Variants in CDKAL1 observed in about 807,000 individuals in gnomAD.
CDKAL1 encodes the protein CDKAL1 threonylcarbamoyladenosine tRNA methylthiotransferase, also known as threonylcarbamoyladenosine tRNA methylthiotransferase.
A neutral mutation model predicts 68.2 loss-of-function variants in CDKAL1; 32 were observed. That is an observed-to-expected ratio of 0.47 (90% CI 0.35 to 0.63). CDKAL1 has a LOEUF of 0.63. Ranked by LOEUF, CDKAL1 falls within the 30% of genes least tolerant of loss-of-function variation. The pLI, the probability that CDKAL1 is intolerant of heterozygous loss-of-function variation, is 0.00. For synonymous variants in CDKAL1, 234 were observed against 244.3 expected (o/e 0.96, Z 0.39); for missense variants, 606 against 696.7 (o/e 0.87, Z 1.47).
chr6:20,584,292 G>A (rs977251770), intron 4 of CDKAL1, among the ~76,000 whole-genome samples: 1 of 152,124 alleles, frequency 6.6e-6, no homozygotes, highest in African/African-American at 2.4e-5. Flanking sequence ...ACAGTGGATA[G>A]GGTACTCTAC....
chr6:20,947,745 GC>G (rs1764320360), intron 9 of CDKAL1, among the ~76,000 whole-genome samples: 1 of 152,102 alleles, frequency 6.6e-6, no homozygotes, highest in Non-Finnish European at 1.5e-5. Flanking sequence ...CTAATACAAA[GC>G]CTATTTTATA....
intron 11 of CDKAL1, among the ~76,000 whole-genome samples, chr6:21,048,244 A>G (rs775911639): frequency 9.2e-5 from 14 of 152,192 alleles, no homozygotes; most frequent in Non-Finnish European, 1.3e-4. Flanking sequence ...CTGTGTTCCA[A>G]TAAAACTTTA....
intron 9 of CDKAL1, among the ~76,000 whole-genome samples, chr6:20,926,676 C>T (rs902796101): frequency 1.3e-5 from 2 of 151,960 alleles, no homozygotes; most frequent in African/African-American, 2.4e-5. Context: ...TCATTCGATA[C>T]GTATGCATTG....
chr6:20,653,434 T>C (rs1768864136), intron 5 of CDKAL1, among the ~76,000 whole-genome samples: 1 of 152,134 alleles, frequency 6.6e-6, no homozygotes, highest in Non-Finnish European at 1.5e-5. Context: ...GTATTTCGTT[T>C]TGGTTTTAAT....
chr6:20,951,575 A>T (rs183325597), intron 9 of CDKAL1, among the ~76,000 whole-genome samples: 1 of 152,296 alleles, frequency 6.6e-6, no homozygotes, highest in Admixed American at 6.5e-5. Flanking sequence ...CTTGGGTAAG[A>T]TGATAATGGA....
At chr6:21,103,117 T>G (rs569245001) in intron 12 of CDKAL1, among the ~76,000 whole-genome samples, 1 of 152,372 alleles carries the variant, frequency 6.6e-6, no homozygotes, top group South Asian at 2.1e-4. Flanking sequence ...TAGCTTTTCC[T>G]TATAATAACA....
intron 11 of CDKAL1, among the ~76,000 whole-genome samples, chr6:21,011,229 A>G (rs1277636672): frequency 1.3e-5 from 2 of 149,334 alleles, no homozygotes; most frequent in African/African-American, 4.9e-5. Context: ...AAAATAGACA[A>G]AAAAATTAGC....
chr6:20,762,586 C>T (rs916057704), intron 7 of CDKAL1, among the ~76,000 whole-genome samples: 6 of 152,172 alleles, frequency 3.9e-5, no homozygotes, highest in African/African-American at 1.4e-4. Context: ...GTGGTTGTTA[C>T]AGCAGTTAGC....
chr6:20,949,236 T>C (rs1453189124), intron 9 of CDKAL1, among the ~76,000 whole-genome samples: 2 of 152,236 alleles, frequency 1.3e-5, no homozygotes, highest in African/African-American at 2.4e-5. Flanking sequence ...TGGCCAGCTG[T>C]TGTTGTAGGG....
chr6:20,762,861 A>G (rs1466908314), intron 7 of CDKAL1, among the ~76,000 whole-genome samples: 1 of 152,130 alleles, frequency 6.6e-6, no homozygotes, highest in Admixed American at 6.5e-5. Flanking sequence ...TCCTGTATGT[A>G]TACTCTCACT....
chr6:20,655,212 T>C (rs112867267), intron 5 of CDKAL1, among the ~76,000 whole-genome samples: 12 of 152,226 alleles, frequency 7.9e-5, no homozygotes, highest in Non-Finnish European at 1.2e-4. Context: ...AATGGTAAAC[T>C]TTAAAAATTT....
intron 12 of CDKAL1, among the ~76,000 whole-genome samples, chr6:21,073,396 T>TATAAAAA (rs1242604965): frequency 6.6e-6 from 1 of 152,180 alleles, no homozygotes; most frequent in Non-Finnish European, 1.5e-5. Context: ...GAAGTATGTT[T>TATAAAAA]ATAAAAAATT....
intron 6 of CDKAL1, among the ~76,000 whole-genome samples, chr6:20,749,487 G>T (rs1462403504): frequency 6.6e-6 from 1 of 151,998 alleles, no homozygotes; most frequent in Non-Finnish European, 1.5e-5. Flanking sequence ...AGTTTAACTG[G>T]ACTGCTGTAG....
At position 20,757,846 on chromosome 6, in the gene CDKAL1, T is replaced by A. The variant is rs555904448; in HGVS notation, c.469-749T>A. ...AATCGACTTTGACTTATTCTTTTTT[T>A]AGCTTTGTGAATCATAATATTACTT... is the stretch of plus-strand genomic sequence containing the variant. On this transcript the variant is annotated intron_variant, in intron 6 of 15. Coordinates refer to ENST00000274695, the MANE Select transcript of CDKAL1 (RefSeq NM_017774.3). 7.9e-5 allele frequency among the ~76,000 whole-genome samples: 12 copies of A among 152,342 alleles called. No individual in the cohort carries two copies. In the East Asian group the frequency reaches 2.3e-3, roughly 29 times the overall value.
intron 5 of CDKAL1, among the ~76,000 whole-genome samples, chr6:20,690,637 A>T (rs1036882499): frequency 1.3e-5 from 2 of 151,916 alleles, no homozygotes; most frequent in Admixed American, 1.3e-4. Flanking sequence ...ACAAAATAGA[A>T]TTTTTTTTAT....
chr6:20,707,778 TAC>T (rs1482117480), intron 5 of CDKAL1, among the ~76,000 whole-genome samples: 3 of 152,244 alleles, frequency 2.0e-5, no homozygotes, highest in African/African-American at 7.2e-5. Context: ...ATAAAGTAGG[TAC>T]TCAATAAATA....
chr6:21,230,733 T>A (rs1779934517), intron 15 of CDKAL1, 115 bp from the exon 16 acceptor site: 1 of 759,878 alleles, frequency 1.3e-6, no homozygotes, highest in Admixed American at 3.1e-5. Flanking sequence ...AACGTGTCTC[T>A]GTTGAAGGAG....
At chr6:21,004,299 A>G (rs557853590) in intron 11 of CDKAL1, among the ~76,000 whole-genome samples, 1 of 152,224 alleles carries the variant, frequency 6.6e-6, no homozygotes, top group South Asian at 2.1e-4. Flanking sequence ...ATATGAGCCA[A>G]CTAAGCTGGT....
At chr6:20,773,565 T>G (rs1242767935) in intron 7 of CDKAL1, among the ~76,000 whole-genome samples, 1 of 152,148 alleles carries the variant, frequency 6.6e-6, no homozygotes, top group East Asian at 1.9e-4. Flanking sequence ...TATTTTTTTT[T>G]GAGGTGGAGT....
Sources: allele counts gnomAD v4.1 joint callset (sites outside exome capture counted in the v4.1 genomes callset), GRCh38; gene constraint gnomAD v4.1.1; transcripts MANE v1.5; gene names NCBI Gene and HGNC (gene_info 2026-07-23, HGNC 2026-07-21).